The following ADTRP variants were observed in gnomAD, a reference collection of about 807,000 sequenced individuals.
The protein encoded by ADTRP is androgen dependent TFPI regulating protein.
ADTRP carries 20 observed loss-of-function variants against 27.0 expected under a neutral mutation model. That is an observed-to-expected ratio of 0.74 (90% confidence interval 0.52 to 1.08). The LOEUF (loss-of-function observed/expected upper bound fraction) is 1.08, where lower values mean the gene tolerates loss of function less well. Among genes scored for constraint, ADTRP ranks in the 50% least tolerant of loss-of-function variants. The probability of loss-of-function intolerance (pLI) is 0.00; values close to 1 mark genes in which losing one functional copy is unlikely to be tolerated. For synonymous variants in ADTRP, 101 were observed against 105.2 expected (o/e 0.96, Z 0.25); for missense variants, 251 against 275.0 (o/e 0.91, Z 0.62).
At chr6:11,728,129 G>A (rs373090982) in intron 4 of ADTRP, among the ~76,000 whole-genome samples, 9 of 152,030 alleles carry the variant, frequency 5.9e-5, no homozygotes, top group Admixed American at 2.6e-4. Flanking sequence ...TTTCTTCAGC[G>A]CACACATTTC....
At chr6:11,739,041 CA>C (rs70994545) in intron 3 of ADTRP, among the ~76,000 whole-genome samples, 127 of 139,670 alleles carry the variant, frequency 9.1e-4, no homozygotes, top group Non-Finnish European at 7.2e-4. Context: ...GCACATATTT[CA>C]AAAAAAAAAA....
At chr6:11,717,861 TA>T (rs1420939930) in intron 5 of ADTRP, among the ~76,000 whole-genome samples, 1 of 152,264 alleles carries the variant, frequency 6.6e-6, no homozygotes, top group Non-Finnish European at 1.5e-5. Context: ...AAAATGGAGA[TA>T]AATTTTTGCC....
At chr6:11,764,696 C>G (rs1175374047) in intron 3 of ADTRP, among the ~76,000 whole-genome samples, 2 of 152,064 alleles carry the variant, frequency 1.3e-5, no homozygotes, top group African/African-American at 4.8e-5. Flanking sequence ...GTGCATTAGC[C>G]TCGGATTTCC....
rs116023713 is a variant in ADTRP at position 11,740,968 on chromosome 6, G to A, written c.391-5285C>T. On this transcript the variant is annotated intron_variant, in intron 3 of 5. Coordinates refer to ENST00000414691, the MANE Select transcript of ADTRP (RefSeq NM_032744.4). ...CTGTAGGAGTCTTTTCAGTCTCAAA[G>A]ACTGAAGTTTTTAAAGAGAATTGGG... Among the ~76,000 whole-genome samples the A allele has an allele frequency of 9.8e-4, 149 of 152,244 alleles. 2 individuals are homozygous for A. The highest frequency in any genetic ancestry group is 3.5e-3 in the African/African-American group (146 of 41,534).
rs1304445276 is a variant in ADTRP, at chr6:11,714,158, T to A, written c.*320A>T. On this transcript the variant is annotated 3_prime_UTR_variant, in exon 6 of 6. Transcript: ENST00000414691. ...ATGACTCTAAGTTCCTCTCTCTCTC[T>A]CTAGATGTTCTCTAACACCAAGTTT... 2.1e-5 allele frequency: 7 copies of A among 337,578 alleles called. No individual in the cohort carries two copies. Among genetic ancestry groups the A allele is most frequent in the Admixed American group, 4.8e-5 (1 of 20,790 alleles). 20.9% of individuals were successfully genotyped at this position (337,578 alleles called of 1,614,324 possible).
At chr6:11,739,214 C>T (rs1762640669) in intron 3 of ADTRP, among the ~76,000 whole-genome samples, 1 of 152,342 alleles carries the variant, frequency 6.6e-6, no homozygotes, top group Admixed American at 6.5e-5. Context: ...CCCTTACAAA[C>T]AGTGAAGCTG....
At chr6:11,720,468 A>G (rs546600943) in intron 5 of ADTRP, among the ~76,000 whole-genome samples, 1 of 123,986 alleles carries the variant, frequency 8.1e-6, no homozygotes, top group Non-Finnish European at 1.8e-5. Flanking sequence ...CAGGTGAGGG[A>G]TATACCCTTT....
At chr6:11,771,327 A>C (rs1017809349) in intron 1 of ADTRP, among the ~76,000 whole-genome samples, 2 of 152,152 alleles carry the variant, frequency 1.3e-5, no homozygotes, top group Admixed American at 6.5e-5. Flanking sequence ...GTCCGAATTC[A>C]CCACAAGCAG....
chr6:11,778,800 T>A lies in ADTRP; in HGVS notation c.-41A>T. 1 of 1,600,364 alleles carries A rather than the reference T, an allele frequency of 6.2e-7. No homozygotes were observed. ...GGGCACCGTGAATGTCTTGAGTACTTTCTGGCGTCCTTCTGTGGGTCACAG... is the reference window on the plus strand; with the variant it reads ...GGGCACCGTGAATGTCTTGAGTACTATCTGGCGTCCTTCTGTGGGTCACAG... On this transcript the variant is annotated 5_prime_UTR_variant, in exon 1 of 6. Transcript: ENST00000414691.
intron 3 of ADTRP, among the ~76,000 whole-genome samples, chr6:11,738,832 A>G (rs1447569531): frequency 1.3e-5 from 2 of 152,128 alleles, no homozygotes; most frequent in Non-Finnish European, 2.9e-5. Context: ...TGGGCCATAT[A>G]CCTCGACTTC....
chr6:11,720,954 G>A (rs1339868418), intron 5 of ADTRP, among the ~76,000 whole-genome samples: 1 of 152,136 alleles, frequency 6.6e-6, no homozygotes, highest in East Asian at 1.9e-4. Context: ...CACTGATTGA[G>A]GCAACGAGAA....
chr6:11,748,463 C>A (rs572355459), intron 3 of ADTRP, among the ~76,000 whole-genome samples: 2 of 152,324 alleles, frequency 1.3e-5, no homozygotes, highest in South Asian at 4.1e-4. Flanking sequence ...TAAGTGCCTA[C>A]CACATACCAG....
rs6936569 is a variant in ADTRP at position 11,735,961 on chromosome 6, G to C, written c.391-278C>G. ...GCTCCCCTCTCCCTACTTTTTTTTG[G>C]CGGGGGTGGGGGGTGGAGATGCAGT... On this transcript the variant is annotated intron_variant, in intron 3 of 5. Coordinates refer to ENST00000414691, the MANE Select transcript of ADTRP (RefSeq NM_032744.4). The C allele has an allele frequency of 4.5e-3, 1,309 of 288,520 alleles. 23 individuals are homozygous for C. Among genetic ancestry groups the C allele is most frequent in the African/African-American group, 0.027 (1,211 of 45,444 alleles). The allele number at this position is 288,520 out of a possible 1,614,324, so 17.9% of individuals were successfully genotyped here.
chr6:11,772,486 C>T (rs1178031230), intron 1 of ADTRP, among the ~76,000 whole-genome samples: 1 of 152,206 alleles, frequency 6.6e-6, no homozygotes, highest in African/African-American at 2.4e-5. Flanking sequence ...CTTTAAACTA[C>T]CTTAGGAAAT....
At chr6:11,734,573 C>T (rs1309733643) in intron 4 of ADTRP, among the ~76,000 whole-genome samples, 1 of 152,048 alleles carries the variant, frequency 6.6e-6, no homozygotes, top group African/African-American at 2.4e-5. Flanking sequence ...GAGGGGTAGA[C>T]ACCACAAAAG....
chr6:11,758,366 G>GA (rs772463197), intron 3 of ADTRP, among the ~76,000 whole-genome samples: 1 of 152,070 alleles, frequency 6.6e-6, no homozygotes, highest in Non-Finnish European at 1.5e-5. Context: ...TCTTTAAAAC[G>GA]AGAATCCCCG....
At chr6:11,764,663 A>G (rs1451271533) in intron 3 of ADTRP, among the ~76,000 whole-genome samples, 1 of 152,138 alleles carries the variant, frequency 6.6e-6, no homozygotes. Flanking sequence ...TTCTGGACTT[A>G]CTGCAGCAAA....
At chr6:11,724,090 CATAG>C (rs1762111129) in intron 4 of ADTRP, among the ~76,000 whole-genome samples, 1 of 132,020 alleles carries the variant, frequency 7.6e-6, no homozygotes. Flanking sequence ...AACAAACAAA[CATAG>C]AACCATCGTT....
At chr6:11,765,340 T>C (rs1344044304) in intron 3 of ADTRP, among the ~76,000 whole-genome samples, 2 of 147,318 alleles carry the variant, frequency 1.4e-5, no homozygotes, top group Middle Eastern at 3.4e-3. Flanking sequence ...TTTTTTTTTT[T>C]TTTTGAGGCA....
Sources: gnomAD v4.1 joint callset for allele counts (sites outside exome capture counted in the v4.1 genomes callset) on GRCh38, gnomAD v4.1.1 for gene constraint, MANE v1.5 for transcripts, NCBI Gene and HGNC (gene_info 2026-07-23, HGNC 2026-07-21) for gene names.